PRKCA: variants seen among roughly 807,000 people sequenced by gnomAD.
PRKCA encodes the protein protein kinase C alpha.
PRKCA carries 27 observed loss-of-function variants against 87.0 expected under a neutral mutation model. That is an observed-to-expected ratio of 0.31 (90% CI 0.23 to 0.43). The LOEUF (loss-of-function observed/expected upper bound fraction) is 0.43, where lower values mean the gene tolerates loss of function less well. PRKCA is among the 20% of genes least tolerant of loss of function. The pLI is 1.00. For missense variants in PRKCA, 518 were observed against 852.3 expected, an observed-to-expected ratio of 0.61 and a Z score of 4.88; for synonymous variants, 329 against 311.1, an observed-to-expected ratio of 1.06 and a Z score of -0.61.
At chr17:66,646,869 T>A (rs1357880737) in intron 5 of PRKCA, among the ~76,000 whole-genome samples, 1 of 152,214 alleles carries the variant, frequency 6.6e-6, no homozygotes, top group African/African-American at 2.4e-5. Flanking sequence ...ATGGTCAAAA[T>A]GGAACTGGGA....
intron 13 of PRKCA, among the ~76,000 whole-genome samples, chr17:66,744,289 G>A (rs1974223924): frequency 6.6e-6 from 1 of 152,136 alleles, no homozygotes; most frequent in Admixed American, 6.5e-5. Context: ...TCAAATATGA[G>A]GAATAGTCAG....
intron 2 of PRKCA, among the ~76,000 whole-genome samples, chr17:66,335,710 T>C (rs949482071): frequency 2.0e-5 from 3 of 152,240 alleles, no homozygotes; most frequent in African/African-American, 7.2e-5. Flanking sequence ...GTGTTTAATA[T>C]TCCATTTTGT....
At chr17:66,731,658 G>A (rs765455300) in intron 8 of PRKCA, among the ~76,000 whole-genome samples, 1 of 152,090 alleles carries the variant, frequency 6.6e-6, no homozygotes, top group Non-Finnish European at 1.5e-5. Context: ...CTGAGGCCCT[G>A]GTGAGAGTCG....
In PRKCA at chr17:66,803,737, A is replaced by G; in HGVS notation, c.1855-136A>G. On this transcript the variant is annotated intron_variant, in intron 16 of 16. Transcript: ENST00000413366. This position sits in a 1 kb window ranked among gnomAD's most constrained non-coding sequence, Gnocchi z 4.4. ...GGCTTTTCAATCCAATAGGCCTGCA[A>G]GTCCTCCGAGATTCCTCCTCCTAAC... The G allele has an allele frequency of 8.3e-7, 1 of 1,210,920 alleles. No individual in the cohort carries two copies. The highest frequency in any genetic ancestry group is 1.5e-5 in the South Asian group (1 of 65,018). 75.0% of individuals were successfully genotyped at this position (1,210,920 alleles called of 1,614,324 possible).
At chr17:66,558,248 A>T (rs1427962494) in intron 3 of PRKCA, among the ~76,000 whole-genome samples, 1 of 152,236 alleles carries the variant, frequency 6.6e-6, no homozygotes. Context: ...AAGCATAAAC[A>T]TTTCCCCTCC....
chr17:66,434,891 A>G (rs1475505212), intron 2 of PRKCA, among the ~76,000 whole-genome samples: 2 of 152,168 alleles, frequency 1.3e-5, no homozygotes, highest in East Asian at 3.9e-4. Context: ...GCCTTCCTAG[A>G]ACACAGTAAC....
chr17:66,637,770 G>T (rs1971184283), intron 3 of PRKCA, among the ~76,000 whole-genome samples: 1 of 152,258 alleles, frequency 6.6e-6, no homozygotes, highest in East Asian at 1.9e-4. Context: ...AGGATCACTG[G>T]CAGGATCTGC....
In PRKCA at chr17:66,809,440, G is replaced by C. The variant is rs1049192616; in HGVS notation, c.*5403G>C. 6.6e-6 allele frequency: 1 copy of C among 152,538 alleles called. No individual in the cohort carries two copies. Among genetic ancestry groups the C allele is most frequent in the African/African-American group, 2.4e-5 (1 of 41,440 alleles). 9.4% of individuals were successfully genotyped at this position (152,538 alleles called of 1,614,324 possible). A position where few individuals can be genotyped will look rare whatever the true frequency, so the allele number is the denominator to read the frequency against. ...AAGAAATTATTTGTTAATTCCAGTA[G>C]AGCAACTGAATATACTGGGCTATTT... is the stretch of plus-strand genomic sequence containing the variant. On this transcript the variant is annotated 3_prime_UTR_variant, in exon 17 of 17. Coordinates refer to ENST00000413366, the MANE Select transcript of PRKCA (RefSeq NM_002737.3).
At chr17:66,694,180 A>T (rs1364814959) in intron 8 of PRKCA, among the ~76,000 whole-genome samples, 1 of 152,168 alleles carries the variant, frequency 6.6e-6, no homozygotes, top group Non-Finnish European at 1.5e-5. Flanking sequence ...ACTGAAAAGT[A>T]GGCACATATA....
At chr17:66,609,388 G>T (rs181738862) in intron 3 of PRKCA, among the ~76,000 whole-genome samples, 2 of 152,170 alleles carry the variant, frequency 1.3e-5, no homozygotes, top group Non-Finnish European at 2.9e-5. Context: ...AGTGTAATGC[G>T]TGTCTATATG....
rs578102627 is a variant in PRKCA, at chr17:66,602,733, GGT to G, written c.289-38620_289-38619del. ...AGGCGTGGAGCGCTCAGGTTTCACG[GGT>G]GGCCTTGGAGGTTCTGGCTCTGATG... is the stretch of plus-strand genomic sequence containing the variant. On this transcript the variant is annotated intron_variant, in intron 3 of 16. Transcript: ENST00000413366. Among the ~76,000 whole-genome samples, 1,016 of 152,286 alleles carry G rather than the reference GGT, an allele frequency of 6.7e-3. 39 individuals carry two copies. The highest frequency in any genetic ancestry group is 0.058 in the Admixed American group (894 of 15,304).
intron 2 of PRKCA, among the ~76,000 whole-genome samples, chr17:66,318,396 A>C (rs1180192734): frequency 6.6e-6 from 1 of 152,038 alleles, no homozygotes; most frequent in Non-Finnish European, 1.5e-5. Context: ...GATAGGCACC[A>C]TTATCCTTTT....
intron 2 of PRKCA, among the ~76,000 whole-genome samples, chr17:66,421,827 A>G (rs1481171798): frequency 6.6e-6 from 1 of 151,822 alleles, no homozygotes; most frequent in East Asian, 1.9e-4. Flanking sequence ...ACAGGTGTGA[A>G]CCACCATGCC....
intron 2 of PRKCA, among the ~76,000 whole-genome samples, chr17:66,389,792 C>G (rs943335163): frequency 1.3e-5 from 2 of 152,256 alleles, no homozygotes; most frequent in African/African-American, 4.8e-5. Flanking sequence ...TTGATCCTAA[C>G]ATTTCATTCT....
chr17:66,466,682 A>C (rs1915100486), intron 2 of PRKCA, among the ~76,000 whole-genome samples: 1 of 152,322 alleles, frequency 6.6e-6, no homozygotes, highest in Non-Finnish European at 1.5e-5. Context: ...TTTCTTTATT[A>C]AATTTTTGGT....
In PRKCA at chr17:66,305,985, G is replaced by A. The variant is rs184285732; in HGVS notation, c.174-111G>A. Reference sequence around the variant, plus strand: ...ATGTTTTTTTCTATTAAATCATTGGGTTTCACATACAAACCTTTAGTGGTA... The same window carrying A: ...ATGTTTTTTTCTATTAAATCATTGGATTTCACATACAAACCTTTAGTGGTA... On this transcript the variant is annotated intron_variant, in intron 1 of 16. Coordinates refer to ENST00000413366, the MANE Select transcript of PRKCA (RefSeq NM_002737.3). 6.0e-5 allele frequency: 57 copies of A among 955,762 alleles called. 1 individual carries two copies. In the East Asian group the frequency reaches 1.4e-3, roughly 23 times the overall value. The allele number at this position is 955,762 out of a possible 1,614,324, so 59.2% of individuals were successfully genotyped here.
At chr17:66,670,195 C>T (rs185058443) in intron 5 of PRKCA, among the ~76,000 whole-genome samples, 33 of 152,100 alleles carry the variant, frequency 2.2e-4, no homozygotes, top group Middle Eastern at 3.4e-3. Context: ...TATTTAAAGG[C>T]GAGCTAAAGA....
At chr17:66,687,343 A>G in intron 6 of PRKCA, 76 bp downstream of exon 6, 5 of 1,482,288 alleles carry the variant, frequency 3.4e-6, no homozygotes, top group South Asian at 1.3e-5. Context: ...GAGGTAATGA[A>G]GTAGGTTCAT....
intron 2 of PRKCA, among the ~76,000 whole-genome samples, chr17:66,340,967 C>T (rs1907008071): frequency 6.6e-6 from 1 of 152,026 alleles, no homozygotes; most frequent in African/African-American, 2.4e-5. Flanking sequence ...GAGTGTGGGG[C>T]CAGTTGAGTC....
Sources: allele counts gnomAD v4.1 joint callset (sites outside exome capture counted in the v4.1 genomes callset), GRCh38; gene constraint gnomAD v4.1.1; non-coding constraint Gnocchi (gnomAD v3.1); transcripts MANE v1.5; gene names NCBI Gene and HGNC (gene_info 2026-07-23, HGNC 2026-07-21).